The following SYT11 variants were observed in gnomAD, a reference collection of about 807,000 sequenced individuals.
The protein encoded by SYT11 is synaptotagmin-11.
In SYT11, 12 loss-of-function variants were observed where a neutral mutation model predicts 30.4. The ratio of observed to expected loss-of-function variants is 0.39; its 90% CI spans 0.25 to 0.64. The LOEUF (loss-of-function observed/expected upper bound fraction) is 0.64. Ranked by LOEUF, SYT11 falls within the 30% of genes least tolerant of loss-of-function variation. The pLI is 0.45. For missense variants in SYT11, 412 were observed against 552.0 expected (o/e 0.75, Z 2.54); for synonymous variants, 204 against 216.0 (o/e 0.94, Z 0.49).
chr1:155,859,870 A>T, intron 1 of SYT11, 75 bp downstream of exon 1: 1 of 1,399,552 alleles, frequency 7.1e-7, no homozygotes, highest in Non-Finnish European at 1.0e-6. Context: ...GCGGCAGGGC[A>T]GAGAATGCAG....
intron 2 of SYT11, among the ~76,000 whole-genome samples, chr1:155,870,092 A>AT (rs1196737737): frequency 1.8e-4 from 28 of 152,360 alleles, no homozygotes; most frequent in African/African-American, 6.7e-4. Flanking sequence ...AAAGACAAAT[A>AT]TTTTTTGTAA....
At position 155,868,624 on chromosome 1, in the gene SYT11, A is replaced by G. The variant is rs1320095901; in HGVS notation, c.694A>G (p.Ile232Val). The change falls in exon 2 of 4, where the codon ATC becomes GTC. Residue 232 changes from isoleucine (I) to valine (V), a missense_variant. Physicochemically the swap from Ile to Val is conservative, Grantham distance 29. Transcript: ENST00000368324. The surrounding 1 kb of genome is among the most constrained non-coding windows in gnomAD (Gnocchi z 4.7). ...TGACGAGACCTTCACCTTCTATGGC[A>G]TCCCCTACAGCCAGCTGCAGGACCT... ...VFDETFTFYG[I>V]PYSQLQDLVL... 2.5e-6 allele frequency: 4 copies of G among 1,614,052 alleles called. No homozygotes were observed. The East Asian group carries it at 6.7e-5, about 27-fold the overall frequency.
At chr1:155,862,632 G>GC (rs995705397) in intron 1 of SYT11, among the ~76,000 whole-genome samples, 121 of 152,250 alleles carry the variant, frequency 7.9e-4, no homozygotes, top group African/African-American at 2.3e-3. Context: ...GCAGTGGGTT[G>GC]CCCCCCGCTC....
intron 2 of SYT11, among the ~76,000 whole-genome samples, chr1:155,875,249 CA>C (rs765396768): frequency 6.3e-4 from 56 of 88,404 alleles, no homozygotes; most frequent in East Asian, 1.2e-3. Flanking sequence ...GACTTCATCT[CA>C]AAAAAAAAAA....
Position 155,881,270 on chromosome 1 carries a change from G to A in SYT11, c.1058G>A (p.Cys353Tyr), listed in dbSNP as rs1455240003. 2.5e-6 allele frequency: 4 copies of A among 1,614,078 alleles called. No individual in the cohort carries two copies. Among genetic ancestry groups the A allele is most frequent in the African/African-American group, 2.7e-5 (2 of 74,932 alleles). ...AAGAAGAAAACCCATGTGAAGAAGT[G>A]CACTTTGAACCCCATCTTCAATGAA... is the stretch of plus-strand genomic sequence containing the variant. ...IAKKKTHVKK[C>Y]TLNPIFNESF... Residue 353 changes from cysteine (C) to tyrosine (Y), a missense_variant, in exon 4 of 4, where the codon TGC becomes TAC. By Grantham distance (194) the Cys-to-Tyr change is radical (BLOSUM62 -2). Coordinates refer to ENST00000368324, the MANE Select transcript of SYT11 (RefSeq NM_152280.5).
chr1:155,869,059 A>T (rs1672739359), intron 2 of SYT11, among the ~76,000 whole-genome samples: 1 of 152,186 alleles, frequency 6.6e-6, no homozygotes, highest in African/African-American at 2.4e-5. Context: ...TGTCCAGCTT[A>T]CTTGGAACAG....
intron 2 of SYT11, among the ~76,000 whole-genome samples, chr1:155,875,324 G>A (rs906180834): frequency 6.6e-6 from 1 of 150,964 alleles, no homozygotes; most frequent in Non-Finnish European, 1.5e-5. Flanking sequence ...CTCTAGCAGA[G>A]AAAAAACATG....
At position 155,868,794 on chromosome 1, in the gene SYT11, G is replaced by A. The variant is rs1350050643; in HGVS notation, c.861+3G>A. 1.2e-6 allele frequency: 2 copies of A among 1,608,458 alleles called. No homozygotes were observed. The highest frequency in any genetic ancestry group is 2.2e-5 in the East Asian group (1 of 44,788). On this transcript the variant is annotated splice_donor_region_variant and intron_variant, in intron 2 of 3. Transcript: ENST00000368324. The surrounding 1 kb of genome is among the most constrained non-coding windows in gnomAD (Gnocchi z 4.7). The stretch of plus-strand genomic sequence containing the variant: ...ACATCATCAAAAGGAATATCCAGGT[G>A]AGTAGGAAGTGTGTGTTGGGGAGCA...
chr1:155,875,292 A>G (rs899591261), intron 2 of SYT11, among the ~76,000 whole-genome samples: 5 of 151,250 alleles, frequency 3.3e-5, no homozygotes, highest in African/African-American at 9.7e-5. Flanking sequence ...TGTTATGGGT[A>G]AGGACAAAAT....
rs556519156 is a variant in SYT11 at position 155,877,840 on chromosome 1, G to A, written c.862-2660G>A. Among the ~76,000 whole-genome samples the A allele has an allele frequency of 2.6e-5, 4 of 152,308 alleles. No homozygotes were observed. The South Asian group carries it at 8.3e-4, about 32-fold the overall frequency. ...CAAAGTGCTAGGATTACAGGCATGA[G>A]CCACTGCTCCCGGCTATAGCGGCCT... On this transcript the variant is annotated intron_variant, in intron 2 of 3. Coordinates refer to ENST00000368324, the MANE Select transcript of SYT11 (RefSeq NM_152280.5).
At position 155,868,822 on chromosome 1, in the gene SYT11, G is replaced by T; in HGVS notation, c.861+31G>T. 3 of 1,578,672 alleles carry T rather than the reference G, an allele frequency of 1.9e-6. No individual in the cohort carries two copies. The highest frequency in any genetic ancestry group is 1.2e-5 in the South Asian group (1 of 86,346). ...TAGGAAGTGTGTGTTGGGGAGCAATGGTAGGTTGGGGGAGAAAATATCTCA... is the reference window on the plus strand; with the variant it reads ...TAGGAAGTGTGTGTTGGGGAGCAATTGTAGGTTGGGGGAGAAAATATCTCA... On this transcript the variant is annotated intron_variant, in intron 2 of 3. Transcript: ENST00000368324. This position sits in a 1 kb window ranked among gnomAD's most constrained non-coding sequence, Gnocchi z 4.7.
At chr1:155,879,890 A>G (rs573079866) in intron 2 of SYT11, among the ~76,000 whole-genome samples, 177 of 152,288 alleles carry the variant, frequency 1.2e-3, no homozygotes, top group Non-Finnish European at 2.0e-3. Context: ...TAACTTGTCC[A>G]AGGTCACAGA....
At position 155,860,985 on chromosome 1, in the gene SYT11, C is replaced by T. The variant is rs950379868; in HGVS notation, c.34+1190C>T. Among the ~76,000 whole-genome samples, 4 of 152,154 alleles carry T rather than the reference C, an allele frequency of 2.6e-5. No individual in the cohort carries two copies. Among genetic ancestry groups the T allele is most frequent in the Non-Finnish European group, 2.9e-5 (2 of 68,032 alleles). ...TCCTTCAGGGATTCTATCCCTCAGA[C>T]AATCCAGTAGGTTTGAGCATCGGGA... On this transcript the variant is annotated intron_variant, in intron 1 of 3. Transcript: ENST00000368324. This position sits in a 1 kb window ranked among gnomAD's most constrained non-coding sequence, Gnocchi z 4.1.
At chr1:155,880,731 A>T in intron 3 of SYT11, 108 bp downstream of exon 3, 1 of 1,293,964 alleles carries the variant, frequency 7.7e-7, no homozygotes, top group Non-Finnish European at 1.1e-6. Flanking sequence ...TTTCACTTTT[A>T]ATCTGCTCCT....
intron 2 of SYT11, among the ~76,000 whole-genome samples, chr1:155,874,478 T>TGTGACAGAGCGAGACTTCATCTCAAAAAA (rs1553226161): frequency 1.3e-4 from 19 of 151,480 alleles, no homozygotes; most frequent in Non-Finnish European, 1.6e-4. Flanking sequence ...CACATGCCTG[T>TGTGACAGAGCGAGACTTCATCTCAAAAAA]AGTCCCATCT....
intron 2 of SYT11, among the ~76,000 whole-genome samples, chr1:155,870,654 G>A (rs1416715276): frequency 6.6e-6 from 1 of 152,198 alleles, no homozygotes; most frequent in East Asian, 1.9e-4. Flanking sequence ...GATAGAAGAG[G>A]CTCCTAAGTT....
intron 1 of SYT11, among the ~76,000 whole-genome samples, chr1:155,866,079 CA>C (rs202148639): frequency 6.1e-4 from 81 of 133,474 alleles, no homozygotes; most frequent in African/African-American, 1.6e-3. Context: ...GTAAGGGAAA[CA>C]AAAAAAAAAT....
intron 1 of SYT11, among the ~76,000 whole-genome samples, chr1:155,861,747 T>A (rs957548488): frequency 6.6e-6 from 1 of 152,206 alleles, no homozygotes; most frequent in African/African-American, 2.4e-5. Flanking sequence ...GCCTCCCAAG[T>A]AGCTGGGATT....
rs767071892 is a variant in SYT11, at chr1:155,869,263, C to CTTTTT, written c.861+492_861+496dup. 6.6e-4 allele frequency among the ~76,000 whole-genome samples: 55 copies of CTTTTT among 83,894 alleles called. 2 individuals are homozygous for CTTTTT. Among genetic ancestry groups the CTTTTT allele is most frequent in the Middle Eastern group, 0.016 (1 of 64 alleles). The allele number at this position is 83,894 out of a possible 152,430, so 55.0% of individuals were successfully genotyped here. ...GGTGTAAATGATACCATGTACATGT[C>CTTTTT]TTTTTTTTTTTTTTTTTTTTTTTTG... On this transcript the variant is annotated intron_variant, in intron 2 of 3. Coordinates refer to ENST00000368324, the MANE Select transcript of SYT11 (RefSeq NM_152280.5).
Sources: allele counts gnomAD v4.1 joint callset (sites outside exome capture counted in the v4.1 genomes callset), GRCh38; gene constraint gnomAD v4.1.1; non-coding constraint Gnocchi (gnomAD v3.1); transcripts MANE v1.5; gene names NCBI Gene and HGNC (gene_info 2026-07-23, HGNC 2026-07-21).